DGKB: variants seen among roughly 807,000 people sequenced by gnomAD.
DGKB encodes 90 kDa diacylglycerol kinase.
In DGKB, 67 loss-of-function variants were observed where a neutral mutation model predicts 114.3. That is an observed-to-expected ratio of 0.59 (90% confidence interval 0.48 to 0.72). The LOEUF (loss-of-function observed/expected upper bound fraction) is 0.72. Among genes scored for constraint, DGKB ranks in the 30% least tolerant of loss-of-function variants. The probability of loss-of-function intolerance (pLI) is 0.00; values close to 1 mark genes in which losing one functional copy is unlikely to be tolerated. For missense variants in DGKB, 907 were observed against 975.2 expected (o/e 0.93, Z 0.93); for synonymous variants, 398 against 323.1 (o/e 1.23, Z -2.49).
intron 2 of DGKB, among the ~76,000 whole-genome samples, chr7:14,825,025 T>G (rs1354156105): frequency 8.5e-6 from 1 of 117,548 alleles, no homozygotes; most frequent in South Asian, 2.7e-4. Context: ...TGTATATATA[T>G]ATATATATAT....
At position 14,501,566 on chromosome 7, in the gene DGKB, A is replaced by G. The variant is rs1263256790; in HGVS notation, c.1771-23341T>C. On this transcript the variant is annotated intron_variant, in intron 20 of 25. Coordinates refer to ENST00000402815, the MANE Select transcript of DGKB (RefSeq NM_001350709.2). ...AAATATGTGTCTCTGGAAAAGAGGTAATGACTCAAACAGAAGAATCAAGAG... is the reference window on the plus strand; with the variant it reads ...AAATATGTGTCTCTGGAAAAGAGGTGATGACTCAAACAGAAGAATCAAGAG... 2.6e-5 allele frequency among the ~76,000 whole-genome samples: 4 copies of G among 152,008 alleles called. No individual in the cohort carries two copies. In the East Asian group the frequency reaches 7.8e-4, roughly 30 times the overall value.
chr7:14,720,049 A>C (rs967748842), intron 5 of DGKB, among the ~76,000 whole-genome samples: 1 of 152,120 alleles, frequency 6.6e-6, no homozygotes, highest in Non-Finnish European at 1.5e-5. Flanking sequence ...GGCCAATCAT[A>C]AAAGTGTAAG....
chr7:14,565,830 T>G (rs544278043), intron 20 of DGKB, among the ~76,000 whole-genome samples: 1 of 152,290 alleles, frequency 6.6e-6, no homozygotes, highest in South Asian at 2.1e-4. Context: ...TTCCATGTCA[T>G]TCGCCATGTG....
chr7:14,889,069 G>A (rs935692047), intron 1 of DGKB, among the ~76,000 whole-genome samples: 1 of 151,782 alleles, frequency 6.6e-6, no homozygotes, highest in African/African-American at 2.4e-5. Context: ...ACGCTGGTCA[G>A]AATAAAAAGG....
intron 5 of DGKB, among the ~76,000 whole-genome samples, chr7:14,729,147 G>T (rs1350160378): frequency 2.5e-5 from 3 of 120,046 alleles, no homozygotes; most frequent in African/African-American, 1.2e-4. Flanking sequence ...TTTTTTGATG[G>T]AGTCTCACTC....
chr7:14,221,823 C>T (rs1790026207), intron 23 of DGKB, among the ~76,000 whole-genome samples: 1 of 151,284 alleles, frequency 6.6e-6, no homozygotes, highest in South Asian at 2.1e-4. Flanking sequence ...ATTTTGATTA[C>T]TACTCTGAAT....
In DGKB at chr7:14,841,443, T is replaced by C. The variant is rs915314426; in HGVS notation, c.-180A>G. On this transcript the variant is annotated 5_prime_UTR_variant, in exon 2 of 26. Coordinates refer to ENST00000402815, the MANE Select transcript of DGKB (RefSeq NM_001350709.2). ...GGATGCTTGTAATTTCAATAATGTG[T>C]TAAAGAACTGCAAAAAAAAAAAACA... 6 of 391,018 alleles carry C rather than the reference T, an allele frequency of 1.5e-5. No homozygotes were observed. In the African/African-American group the frequency reaches 2.3e-4, roughly 15 times the overall value. 24.2% of individuals were successfully genotyped at this position (391,018 alleles called of 1,614,324 possible). A position where few individuals can be genotyped will look rare whatever the true frequency, so the allele number is the denominator to read the frequency against.
intron 23 of DGKB, among the ~76,000 whole-genome samples, chr7:14,227,124 G>C (rs1562672610): frequency 6.6e-6 from 1 of 152,066 alleles, no homozygotes; most frequent in Non-Finnish European, 1.5e-5. Flanking sequence ...ACAGCTATTT[G>C]ATGAGAAGTC....
At chr7:14,708,585 C>G (rs921858590) in intron 6 of DGKB, among the ~76,000 whole-genome samples, 9 of 151,310 alleles carry the variant, frequency 5.9e-5, no homozygotes, top group Admixed American at 3.3e-4. Context: ...CTACAGTAAC[C>G]AAAACAGCAT....
At chr7:14,919,095 A>ACACACAC (rs1554345122) in intron 1 of DGKB, among the ~76,000 whole-genome samples, 15 of 114,914 alleles carry the variant, frequency 1.3e-4, no homozygotes, top group African/African-American at 3.6e-4. Context: ...CACACACACA[A>ACACACAC]ACACACACAC....
chr7:14,453,891 C>T (rs1831896173), intron 21 of DGKB, among the ~76,000 whole-genome samples: 1 of 152,084 alleles, frequency 6.6e-6, no homozygotes, highest in Non-Finnish European at 1.5e-5. Context: ...GTTTGCTGAC[C>T]CCTGATCTGT....
At chr7:14,945,218 TGAGA>T (rs1028261215) in intron 1 of DGKB, among the ~76,000 whole-genome samples, 12 of 151,780 alleles carry the variant, frequency 7.9e-5, no homozygotes, top group Middle Eastern at 3.4e-3. Flanking sequence ...GGCATAACGC[TGAGA>T]AAGATAATAA....
intron 13 of DGKB, among the ~76,000 whole-genome samples, chr7:14,671,140 A>G (rs1234018566): frequency 6.6e-6 from 1 of 152,174 alleles, no homozygotes; most frequent in Non-Finnish European, 1.5e-5. Flanking sequence ...TGAATAAACA[A>G]GATCTCATTG....
Position 14,736,128 on chromosome 7 carries a change from A to T in DGKB, c.235T>A (p.Phe79Ile). Residue 79 changes from phenylalanine to isoleucine, a missense_variant, in exon 5 of 26, where the codon TTC (phenylalanine) becomes ATC (isoleucine). Transcript: ENST00000402815. ...AATGACATGAAAAGGTGTGCAGTGA[A>T]ATCATCAGGAAGCTCGGCTTCCAGG... Reference protein sequence around the residue: ...TFLEAELPDDFTAHLFMSFSN... With the variant: ...TFLEAELPDDITAHLFMSFSN... The T allele has an allele frequency of 6.2e-7, 1 of 1,609,892 alleles. No individual in the cohort carries two copies.
chr7:14,368,571 C>CTGTGTGTGTGTG (rs1313900555), intron 21 of DGKB, among the ~76,000 whole-genome samples: 1 of 103,730 alleles, frequency 9.6e-6, no homozygotes, highest in African/African-American at 3.5e-5. Context: ...ACGGTATTTT[C>CTGTGTGTGTGTG]TCTGTGTGTG....
intron 2 of DGKB, among the ~76,000 whole-genome samples, chr7:14,812,669 A>G (rs766366): frequency 0.66 from 100,961 of 152,032 alleles, 34,225 homozygotes; most frequent in African/African-American, 0.81. Flanking sequence ...ATTTTCTGTC[A>G]GAATTTATCT....
At chr7:14,732,901 CT>C (rs1296830775) in intron 5 of DGKB, among the ~76,000 whole-genome samples, 1 of 152,092 alleles carries the variant, frequency 6.6e-6, no homozygotes, top group Non-Finnish European at 1.5e-5. Context: ...CAGAATTGTT[CT>C]CTTTCTTCCA....
chr7:14,406,535 G>T (rs1201475231), intron 21 of DGKB, among the ~76,000 whole-genome samples: 2 of 151,896 alleles, frequency 1.3e-5, no homozygotes, highest in Non-Finnish European at 2.9e-5. Context: ...GCTCTAAATG[G>T]TTAACTTCCT....
At chr7:14,818,631 T>C (rs905595260) in intron 2 of DGKB, among the ~76,000 whole-genome samples, 2 of 152,152 alleles carry the variant, frequency 1.3e-5, no homozygotes, top group Non-Finnish European at 2.9e-5. Context: ...GCAATGGCTG[T>C]TTGGAAAAGA....
Sources: gnomAD v4.1 joint callset for allele counts (sites outside exome capture counted in the v4.1 genomes callset) on GRCh38, gnomAD v4.1.1 for gene constraint, MANE v1.5 for transcripts, NCBI Gene and HGNC (gene_info 2026-07-23, HGNC 2026-07-21) for gene names.